The following SPICE1 variants were observed in gnomAD, a reference collection of about 807,000 sequenced individuals.
SPICE1 encodes the protein spindle and centriole associated protein 1.
SPICE1 carries 75 observed loss-of-function variants against 102.7 expected under a neutral mutation model. The ratio of observed to expected loss-of-function variants is 0.73; its 90% CI spans 0.61 to 0.88. The LOEUF (loss-of-function observed/expected upper bound fraction) is 0.88, where lower values mean the gene tolerates loss of function less well. SPICE1 is among the 40% of genes least tolerant of loss of function. The pLI is 0.00. For synonymous variants in SPICE1, 308 were observed against 350.3 expected (o/e 0.88, Z 1.35); for missense variants, 979 against 1,020.1 (o/e 0.96, Z 0.55).
chr3:113,452,973 G>A (rs756269946), intron 14 of SPICE1, among the ~76,000 whole-genome samples: 4 of 151,958 alleles, frequency 2.6e-5, no homozygotes, highest in African/African-American at 7.2e-5. Flanking sequence ...GCAAGACTCC[G>A]TCTCAAAAAA....
chr3:113,503,102 G>T, intron 3 of SPICE1, 78 bp downstream of exon 3: 1 of 1,456,106 alleles, frequency 6.9e-7, no homozygotes, highest in Non-Finnish European at 9.5e-7. Flanking sequence ...AGTGCCTATA[G>T]TTTCTATTCT....
chr3:113,453,641 AGC>A lies in SPICE1; in HGVS notation c.1965_1966del (p.Gln655HisfsTer5), dbSNP rs1358109064. 6.2e-7 allele frequency: 1 copy of A among 1,614,014 alleles called. No individual in the cohort carries two copies. The highest frequency in any genetic ancestry group is 1.3e-5 in the African/African-American group (1 of 74,886). ...TTGTATTAATGACTCATTTGTTCTC[AGC>A]TGCTGCCCATCTCCCAGTACTGGGA... On this transcript the variant is annotated frameshift_variant, in exon 14 of 18. Transcript: ENST00000295872. LOFTEE classifies it high-confidence loss of function.
Position 113,494,147 on chromosome 3 carries a change from A to C in SPICE1, c.292-5T>G, listed in dbSNP as rs1936822988. The C allele has an allele frequency of 2.6e-6, 4 of 1,566,876 alleles. No homozygotes were observed. In the East Asian group the frequency reaches 9.0e-5, roughly 35 times the overall value. On this transcript the variant is annotated splice_polypyrimidine_tract_variant and splice_region_variant and intron_variant, in intron 4 of 17. Transcript: ENST00000295872. Reference sequence around the variant, plus strand: ...CTGGTATTGATCAGAAAGAATCTAGACATGTGTTAATGACAAATATTATTA... The same window carrying C: ...CTGGTATTGATCAGAAAGAATCTAGCCATGTGTTAATGACAAATATTATTA...
At chr3:113,475,280 TG>T (rs1936314031) in intron 7 of SPICE1, among the ~76,000 whole-genome samples, 1 of 152,156 alleles carries the variant, frequency 6.6e-6, no homozygotes, top group Non-Finnish European at 1.5e-5. Flanking sequence ...TCTGAAATAG[TG>T]GCAATAATCA....
chr3:113,509,757 T>G (rs1389103202), intron 1 of SPICE1, among the ~76,000 whole-genome samples: 1 of 152,156 alleles, frequency 6.6e-6, no homozygotes, highest in Non-Finnish European at 1.5e-5. Flanking sequence ...ATCCCTATAA[T>G]CCCCATGTGT....
intron 6 of SPICE1, among the ~76,000 whole-genome samples, chr3:113,491,190 T>C (rs973680743): frequency 1.3e-5 from 2 of 152,238 alleles, no homozygotes; most frequent in Non-Finnish European, 2.9e-5. Flanking sequence ...TCTTAGCATC[T>C]AGTGCATGAT....
intron 7 of SPICE1, 86 bp downstream of exon 7, chr3:113,488,859 T>G: frequency 1.4e-6 from 1 of 735,564 alleles, no homozygotes. Flanking sequence ...AACTCCCATT[T>G]AATAAAAAAT....
At chr3:113,457,602 A>G (rs542185253) in intron 12 of SPICE1, among the ~76,000 whole-genome samples, 1 of 152,264 alleles carries the variant, frequency 6.6e-6, no homozygotes, top group Non-Finnish European at 1.5e-5. Flanking sequence ...AGCCATGAAA[A>G]GCGAGCCAGT....
chr3:113,479,110 T>A (rs1364202036), intron 7 of SPICE1, among the ~76,000 whole-genome samples: 14 of 146,662 alleles, frequency 9.5e-5, no homozygotes, highest in African/African-American at 2.7e-4. Context: ...TATCTCCTAA[T>A]GCTATCCCTC....
rs952871961 is a variant in SPICE1 at position 113,472,831 on chromosome 3, G to A, written c.612-3593C>T. Among the ~76,000 whole-genome samples the A allele has an allele frequency of 5.3e-5, 8 of 152,120 alleles. No individual in the cohort carries two copies. In the South Asian group the frequency reaches 1.0e-3, roughly 20 times the overall value. ...CAAAAGTAGCTAAAACCACAAAGAT[G>A]GGGAAGAAACAGAGCAGAAAAACTG... On this transcript the variant is annotated intron_variant, in intron 7 of 17. Coordinates refer to ENST00000295872, the MANE Select transcript of SPICE1 (RefSeq NM_144718.4).
intron 15 of SPICE1, 130 bp downstream of exon 15, chr3:113,450,206 T>C: frequency 1.1e-6 from 1 of 951,452 alleles, no homozygotes; most frequent in Non-Finnish European, 1.6e-6. Context: ...GGGCTATTTC[T>C]TTCTGTGCAA....
At chr3:113,446,250 G>A (rs774607124) in intron 17 of SPICE1, among the ~76,000 whole-genome samples, 17 of 152,098 alleles carry the variant, frequency 1.1e-4, no homozygotes, top group Non-Finnish European at 2.2e-4. Flanking sequence ...CACAAGGACT[G>A]GGGGAACCAA....
intron 4 of SPICE1, among the ~76,000 whole-genome samples, chr3:113,497,849 C>T (rs1287620383): frequency 6.6e-6 from 1 of 150,940 alleles, no homozygotes; most frequent in African/African-American, 2.4e-5. Flanking sequence ...ACTACAGGCA[C>T]CTGCCACTGT....
At chr3:113,464,017 G>A (rs1309007903) in intron 11 of SPICE1, among the ~76,000 whole-genome samples, 1 of 151,852 alleles carries the variant, frequency 6.6e-6, no homozygotes, top group Admixed American at 6.6e-5. Flanking sequence ...GCAGTGAGCT[G>A]AGATCATGCC....
intron 7 of SPICE1, among the ~76,000 whole-genome samples, chr3:113,482,158 G>A (rs2107482446): frequency 6.6e-6 from 1 of 152,272 alleles, no homozygotes; most frequent in East Asian, 1.9e-4. Flanking sequence ...ATTCTCTGAT[G>A]ACCAGTGATG....
intron 7 of SPICE1, among the ~76,000 whole-genome samples, chr3:113,473,078 G>A (rs568339840): frequency 3.9e-5 from 6 of 152,176 alleles, no homozygotes; most frequent in Non-Finnish European, 5.9e-5. Flanking sequence ...AACCAATACA[G>A]AGAAGTGCTT....
rs1935448578 is a variant in SPICE1 at position 113,443,748 on chromosome 3, C to A, written c.*1559G>T. 6.6e-6 allele frequency: 1 copy of A among 152,166 alleles called. No individual in the cohort carries two copies. Among genetic ancestry groups the A allele is most frequent in the South Asian group, 2.1e-4 (1 of 4,820 alleles). The allele number at this position is 152,166 out of a possible 1,614,324, so 9.4% of individuals were successfully genotyped here. A position where few individuals can be genotyped will look rare whatever the true frequency, so the allele number is the denominator to read the frequency against. ...ATGCCACCACTCCCTAGTTGTGTGACCTTGAGAAAATACCTCCTTGTACCT... is the reference window on the plus strand; with the variant it reads ...ATGCCACCACTCCCTAGTTGTGTGAACTTGAGAAAATACCTCCTTGTACCT... On this transcript the variant is annotated 3_prime_UTR_variant, in exon 18 of 18. Coordinates refer to ENST00000295872, the MANE Select transcript of SPICE1 (RefSeq NM_144718.4).
intron 1 of SPICE1, among the ~76,000 whole-genome samples, chr3:113,510,265 A>G (rs1937192700): frequency 6.6e-6 from 1 of 152,216 alleles, no homozygotes; most frequent in Non-Finnish European, 1.5e-5. Flanking sequence ...GAATTAGAAA[A>G]AACTATTTTA....
At chr3:113,451,122 A>G (rs1389853661) in intron 14 of SPICE1, among the ~76,000 whole-genome samples, 1 of 152,196 alleles carries the variant, frequency 6.6e-6, no homozygotes, top group East Asian at 1.9e-4. Context: ...AGAAGTTTCT[A>G]TAATTACAGG....
Sources: gnomAD v4.1 joint callset for allele counts (sites outside exome capture counted in the v4.1 genomes callset) on GRCh38, gnomAD v4.1.1 for gene constraint, MANE v1.5 for transcripts, NCBI Gene and HGNC (gene_info 2026-07-23, HGNC 2026-07-21) for gene names.